Variants in PIGB observed in about 807,000 individuals in gnomAD.
PIGB encodes the protein GPI alpha-1,2-mannosyltransferase 3.
Under a neutral mutation model 68.4 loss-of-function variants are expected in PIGB, and 58 were observed. The observed-to-expected ratio is 0.85, with a 90% CI of 0.69 to 1.06. The LOEUF (loss-of-function observed/expected upper bound fraction) is 1.06, where lower values mean the gene tolerates loss of function less well. Among genes scored for constraint, PIGB ranks in the 50% least tolerant of loss-of-function variants. PIGB has a pLI of 0.00. For synonymous variants in PIGB, 219 were observed against 220.5 expected (o/e 0.99, Z 0.06); for missense variants, 634 against 655.8 (o/e 0.97, Z 0.36).
chr15:55,325,645 G>A (rs945828267), intron 3 of PIGB, among the ~76,000 whole-genome samples: 2 of 152,098 alleles, frequency 1.3e-5, no homozygotes, highest in East Asian at 1.9e-4. Flanking sequence ...AGCCAGGTGC[G>A]GTGGCTCATG....
chr15:55,335,277 C>G (rs1228128806), intron 6 of PIGB, among the ~76,000 whole-genome samples: 1 of 152,198 alleles, frequency 6.6e-6, no homozygotes, highest in Non-Finnish European at 1.5e-5. Flanking sequence ...CTAGTATTCA[C>G]TAGTCACAAG....
Position 55,329,770 on chromosome 15 carries a change from GAACCCTTACA to G in PIGB, c.573_582del (p.Leu192ProfsTer8). The G allele has an allele frequency of 1.2e-6, 2 of 1,610,822 alleles. No individual in the cohort carries two copies. The highest frequency in any genetic ancestry group is 1.7e-6 in the Non-Finnish European group (2 of 1,177,190). On this transcript the variant is annotated frameshift_variant, in exon 5 of 12. Transcript: ENST00000164305. LOFTEE classifies it high-confidence loss of function. ...TGGTTCACATGGTATTGCTGTACCAGAACCCTTACAAACACCATGGAAACTGTTCTCACTA... is the reference window on the plus strand; with the variant it reads ...TGGTTCACATGGTATTGCTGTACCAGAACACCATGGAAACTGTTCTCACTA...
At chr15:55,349,341 C>G (rs564994930) in intron 9 of PIGB, among the ~76,000 whole-genome samples, 1 of 151,222 alleles carries the variant, frequency 6.6e-6, no homozygotes, top group East Asian at 2.0e-4. Flanking sequence ...CACTATCACG[C>G]CTGGCTAATT....
intron 9 of PIGB, among the ~76,000 whole-genome samples, chr15:55,345,166 C>T (rs1057161336): frequency 6.6e-6 from 1 of 151,898 alleles, no homozygotes; most frequent in African/African-American, 2.4e-5. Context: ...GCTGGGATTA[C>T]GGCATGAGGC....
chr15:55,342,292 C>T (rs1250387065), intron 9 of PIGB, among the ~76,000 whole-genome samples: 1 of 152,186 alleles, frequency 6.6e-6, no homozygotes, highest in Non-Finnish European at 1.5e-5. Flanking sequence ...TCTTCATTTT[C>T]ACAAAGGAAA....
intron 9 of PIGB, among the ~76,000 whole-genome samples, chr15:55,342,726 G>A (rs962553451): frequency 1.3e-5 from 2 of 152,150 alleles, no homozygotes; most frequent in African/African-American, 4.8e-5. Context: ...ATTAACTCCT[G>A]ATTTTATTCA....
rs1463204809 is a variant in PIGB at position 55,339,272 on chromosome 15, T to C, written c.800T>C (p.Val267Ala). The C allele has an allele frequency of 6.4e-7, 1 of 1,551,764 alleles. No individual in the cohort carries two copies. The highest frequency in any genetic ancestry group is 1.4e-5 in the African/African-American group (1 of 73,386). The change falls in exon 7 of 12, where the codon GTT (valine) becomes GCT (alanine). Residue 267 changes from valine to alanine, a missense_variant. Physicochemically the swap from Val to Ala is moderately conservative, Grantham distance 64. Transcript: ENST00000164305. ...ILHHFLPVGF[V>A]TLSLSLMIDR... ...ATGCTATTTTTGTTTTTCAGCTTTG[T>C]TACTTTGAGTTTGTCTCTGATGATT...
At chr15:55,351,715 A>G (rs1035344743) in intron 10 of PIGB, 18 of 151,362 alleles carry the variant, frequency 1.2e-4, no homozygotes, top group African/African-American at 3.6e-4. Flanking sequence ...TACTAAAAAT[A>G]CAAAGAATTA....
At position 55,354,003 on chromosome 15, in the gene PIGB, A is replaced by AT. The variant is rs200366187; in HGVS notation, c.1338-795_1338-794insT. On this transcript the variant is annotated intron_variant, in intron 10 of 11. Coordinates refer to ENST00000164305, the MANE Select transcript of PIGB (RefSeq NM_004855.5). ...TACTTCTCAATCATCTTAAATAAAAAAAAAAAACACTTCAAACTTGCCATG... is the reference window on the plus strand; with the variant it reads ...TACTTCTCAATCATCTTAAATAAAAATAAAAAAACACTTCAAACTTGCCATG... 4.6e-5 allele frequency among the ~76,000 whole-genome samples: 7 copies of AT among 152,052 alleles called. No homozygotes were observed. The South Asian group carries it at 1.0e-3, about 23-fold the overall frequency.
At position 55,326,961 on chromosome 15, in the gene PIGB, G is replaced by T. The variant is rs2055302511; in HGVS notation, c.418-570G>T. ...CCCAACACTTTGGGAGGCCAAGGTG[G>T]AAGTATCATTTGAGGCAAGATTAGC... On this transcript the variant is annotated intron_variant, in intron 3 of 11. Coordinates refer to ENST00000164305, the MANE Select transcript of PIGB (RefSeq NM_004855.5). Among the ~76,000 whole-genome samples the T allele has an allele frequency of 2.0e-5, 3 of 152,070 alleles. No individual in the cohort carries two copies. The South Asian group carries it at 6.2e-4, about 31-fold the overall frequency.
intron 6 of PIGB, among the ~76,000 whole-genome samples, chr15:55,335,543 A>G (rs1474132233): frequency 3.5e-4 from 54 of 152,130 alleles, no homozygotes; most frequent in Non-Finnish European, 7.4e-5. Context: ...GTAAATATAT[A>G]TTTGTCAAGT....
chr15:55,325,664 C>G (rs1041410924), intron 3 of PIGB, among the ~76,000 whole-genome samples: 2 of 152,162 alleles, frequency 1.3e-5, no homozygotes, highest in African/African-American at 2.4e-5. Context: ...TGCCTGTAAT[C>G]CTAGCACTTT....
chr15:55,350,910 C>T lies in PIGB; in HGVS notation c.1335C>T (p.Tyr445=), dbSNP rs2055907403. 1.3e-6 allele frequency: 2 copies of T among 1,504,342 alleles called. No individual in the cohort carries two copies. Among genetic ancestry groups the T allele is most frequent in the Non-Finnish European group, 1.8e-6 (2 of 1,084,608 alleles). The allele number at this position is 1,504,342 out of a possible 1,614,324, so 93.2% of individuals were successfully genotyped here. A position where few individuals can be genotyped will look rare whatever the true frequency, so the allele number is the denominator to read the frequency against. ...TGCCTTGCCACTCTACTCCTTATTACAGGTAATAAAAGATGTTCCACTATA... is the reference window on the plus strand; with the variant it reads ...TGCCTTGCCACTCTACTCCTTATTATAGGTAATAAAAGATGTTCCACTATA... ...IMMPCHSTPY[Y]SHVHCPLPMR... The change falls in exon 10 of 12, where the codon TAC becomes TAT. Residue 445 remains tyrosine, a splice_region_variant and synonymous_variant. Coordinates refer to ENST00000164305, the MANE Select transcript of PIGB (RefSeq NM_004855.5).
At chr15:55,335,154 C>T (rs1007213945) in intron 6 of PIGB, among the ~76,000 whole-genome samples, 1 of 152,222 alleles carries the variant, frequency 6.6e-6, no homozygotes, top group African/African-American at 2.4e-5. Flanking sequence ...TGTCTGTAAG[C>T]TGTACCATCT....
intron 9 of PIGB, among the ~76,000 whole-genome samples, chr15:55,347,982 T>A (rs2055835553): frequency 7.1e-6 from 1 of 141,346 alleles, no homozygotes; most frequent in African/African-American, 2.9e-5. Context: ...TGCCATAGTT[T>A]CTTTTTTTTT....
At chr15:55,353,143 G>T (rs957614867) in intron 10 of PIGB, among the ~76,000 whole-genome samples, 4 of 152,178 alleles carry the variant, frequency 2.6e-5, no homozygotes, top group African/African-American at 4.8e-5. Context: ...GTAGTCAGTT[G>T]ATGTCTTAGG....
intron 1 of PIGB, 25 bp from the exon 2 acceptor site, chr15:55,320,250 T>G (rs778151856): frequency 6.2e-7 from 1 of 1,605,110 alleles, no homozygotes; most frequent in South Asian, 1.1e-5. Context: ...TGTGCCACTA[T>G]TACCTGTTTT....
At chr15:55,332,973 T>A (rs575440362) in intron 5 of PIGB, among the ~76,000 whole-genome samples, 35 of 152,330 alleles carry the variant, frequency 2.3e-4, no homozygotes, top group African/African-American at 8.4e-4. Context: ...AACAAAATTC[T>A]AAATACTCTG....
At chr15:55,334,313 T>C (rs1195327598) in intron 6 of PIGB, among the ~76,000 whole-genome samples, 1 of 152,266 alleles carries the variant, frequency 6.6e-6, no homozygotes, top group Non-Finnish European at 1.5e-5. Flanking sequence ...TATAAGGCTT[T>C]ATAATTCATA....
Sources: allele counts gnomAD v4.1 joint callset (sites outside exome capture counted in the v4.1 genomes callset), GRCh38; gene constraint gnomAD v4.1.1; transcripts MANE v1.5; gene names NCBI Gene and HGNC (gene_info 2026-07-23, HGNC 2026-07-21).